The following SVOP variants were observed in gnomAD, a reference collection of about 807,000 sequenced individuals.
SVOP encodes the protein synaptic vesicle 2-related protein.
SVOP carries 17 observed loss-of-function variants against 69.1 expected under a neutral mutation model. The observed-to-expected ratio is 0.25, with a 90% CI of 0.17 to 0.37. The LOEUF (loss-of-function observed/expected upper bound fraction) is 0.37. SVOP is among the 10% of genes least tolerant of loss of function. The pLI is 1.00. For missense variants in SVOP, 435 were observed against 597.5 expected, an observed-to-expected ratio of 0.73 and a Z score of 2.84; for synonymous variants, 238 against 238.6, an observed-to-expected ratio of 1.00 and a Z score of 0.02.
intron 1 of SVOP, among the ~76,000 whole-genome samples, chr12:109,011,065 C>T (rs2040338707): frequency 1.3e-5 from 2 of 152,112 alleles, no homozygotes; most frequent in African/African-American, 4.8e-5. Flanking sequence ...CAGGCACATG[C>T]CACCATACCT....
intron 4 of SVOP, among the ~76,000 whole-genome samples, chr12:108,976,597 C>CCTCT (rs543526244): frequency 4.0e-4 from 59 of 146,372 alleles, no homozygotes; most frequent in African/African-American, 7.7e-4. Context: ...CCTGGCCATT[C>CCTCT]CTCTCTCTCT....
rs557628776 is a variant in SVOP at position 108,955,245 on chromosome 12, G to A, written c.578+5678C>T. ...CATCTCTCTGAGCATCCCTGGTAAG[G>A]GAATTTGATTTGCTCTTCTGTGAGT... On this transcript the variant is annotated intron_variant, in intron 6 of 15. Coordinates refer to ENST00000610966, the MANE Select transcript of SVOP (RefSeq NM_018711.5). Among the ~76,000 whole-genome samples, 5 of 152,272 alleles carry A rather than the reference G, an allele frequency of 3.3e-5. No individual in the cohort carries two copies. In the East Asian group the frequency reaches 9.6e-4, roughly 29 times the overall value.
At chr12:109,018,106 ATGAATG>A (rs2040378365) in intron 1 of SVOP, among the ~76,000 whole-genome samples, 1 of 53,458 alleles carries the variant, frequency 1.9e-5, no homozygotes, top group African/African-American at 3.0e-4. Flanking sequence ...GAATGGATGG[ATGAATG>A]AATGAATGAA....
At chr12:108,975,588 G>C (rs36165230) in intron 4 of SVOP, among the ~76,000 whole-genome samples, 5,612 of 152,264 alleles carry the variant, frequency 0.037, 643 homozygotes, top group Admixed American at 0.22. Flanking sequence ...GGTAATGTAT[G>C]CAAAACCATT....
Position 108,957,136 on chromosome 12 carries a change from G to A in SVOP, c.578+3787C>T, listed in dbSNP as rs1472761297. The stretch of plus-strand genomic sequence containing the variant: ...AGGTCCTGGCTCCCAGGGAGGGAAA[G>A]CTTCCACAGGAGACACAGCAAGAGT... On this transcript the variant is annotated intron_variant, in intron 6 of 15. Coordinates refer to ENST00000610966, the MANE Select transcript of SVOP (RefSeq NM_018711.5). 4.6e-5 allele frequency among the ~76,000 whole-genome samples: 7 copies of A among 152,230 alleles called. 1 individual carries two copies.
intron 5 of SVOP, among the ~76,000 whole-genome samples, chr12:108,961,300 C>G (rs568049522): frequency 6.6e-6 from 1 of 152,132 alleles, no homozygotes; most frequent in Non-Finnish European, 1.5e-5. Context: ...TTCCACAATA[C>G]AGGAGACAAA....
chr12:109,013,209 C>T (rs1293015062), intron 1 of SVOP, among the ~76,000 whole-genome samples: 1 of 152,114 alleles, frequency 6.6e-6, no homozygotes, highest in South Asian at 2.1e-4. Flanking sequence ...CCTTGTGAAA[C>T]TCTCATGAGG....
chr12:108,936,023 T>C (rs867563234), intron 10 of SVOP, among the ~76,000 whole-genome samples: 2 of 144,540 alleles, frequency 1.4e-5, no homozygotes, highest in African/African-American at 2.6e-5. Flanking sequence ...ATAGTATAAA[T>C]ACACACACAC....
intron 9 of SVOP, among the ~76,000 whole-genome samples, chr12:108,937,927 G>A (rs1163829493): frequency 2.0e-5 from 3 of 152,222 alleles, no homozygotes; most frequent in Admixed American, 6.5e-5. Flanking sequence ...GGCCGGGGCA[G>A]GTTGATCACT....
intron 6 of SVOP, among the ~76,000 whole-genome samples, chr12:108,957,352 CGG>C (rs2039991296): frequency 6.6e-6 from 1 of 152,050 alleles, no homozygotes; most frequent in African/African-American, 2.4e-5. Context: ...TTAGTAGAGA[CGG>C]GATTTCACTG....
rs2040084564 is a variant in SVOP, at chr12:108,972,411, C to T, written c.447G>A (p.Arg149=). The change falls in exon 5 of 16, where the codon AGG becomes AGA. Residue 149 remains arginine (R), a synonymous_variant. Transcript: ENST00000610966. ...LWGNISDQYG[R]KTGLKISVLW... is the part of the protein sequence containing the mutation. ...AAGAGTAAGTTTGCCTTACTGTTTT[C>T]CTGCCGTACTGGTCTGAGATATTTC... The T allele has an allele frequency of 6.5e-7, 1 of 1,537,054 alleles. No homozygotes were observed. The highest frequency in any genetic ancestry group is 1.4e-5 in the African/African-American group (1 of 73,022).
chr12:108,960,779 A>G, intron 6 of SVOP, 144 bp downstream of exon 6: 2 of 959,854 alleles, frequency 2.1e-6, no homozygotes, highest in Non-Finnish European at 3.0e-6. Flanking sequence ...TTGCTACACC[A>G]TAGCTCCTTG....
chr12:108,994,210 G>A lies in SVOP; in HGVS notation c.36-10449C>T, dbSNP rs113322944. ...TTACGATACTGATCTTGGCTGATACGGGGCAAGGCACAGTGCCTCAAGCCT... is the reference window on the plus strand; with the variant it reads ...TTACGATACTGATCTTGGCTGATACAGGGCAAGGCACAGTGCCTCAAGCCT... On this transcript the variant is annotated intron_variant, in intron 1 of 15. Coordinates refer to ENST00000610966, the MANE Select transcript of SVOP (RefSeq NM_018711.5). Among the ~76,000 whole-genome samples, 169 of 152,256 alleles carry A rather than the reference G, an allele frequency of 1.1e-3. 1 individual carries two copies. The highest frequency in any genetic ancestry group is 3.8e-3 in the African/African-American group (160 of 41,566).
At chr12:108,939,951 A>G (rs2039881414) in intron 8 of SVOP, among the ~76,000 whole-genome samples, 1 of 152,236 alleles carries the variant, frequency 6.6e-6, no homozygotes, top group Admixed American at 6.5e-5. Flanking sequence ...CCAGCTGGAC[A>G]AAAACTGGGC....
chr12:108,970,904 G>A (rs141916422), intron 5 of SVOP, among the ~76,000 whole-genome samples: 150 of 152,146 alleles, frequency 9.9e-4, no homozygotes, highest in African/African-American at 3.5e-3. Context: ...TCTTGTCCCA[G>A]CTACTTGGGA....
intron 5 of SVOP, among the ~76,000 whole-genome samples, chr12:108,971,522 T>C (rs1010670026): frequency 5.9e-5 from 9 of 152,194 alleles, no homozygotes; most frequent in African/African-American, 1.9e-4. Flanking sequence ...CCACCTGATT[T>C]CAAGGCCCTG....
At chr12:109,011,589 A>T (rs774294269) in intron 1 of SVOP, among the ~76,000 whole-genome samples, 1 of 152,150 alleles carries the variant, frequency 6.6e-6, no homozygotes, top group East Asian at 1.9e-4. Context: ...CTCAAACACA[A>T]ATACTTGCCT....
intron 4 of SVOP, among the ~76,000 whole-genome samples, chr12:108,972,987 A>G (rs572544136): frequency 2.0e-3 from 299 of 152,260 alleles, no homozygotes; most frequent in Non-Finnish European, 3.1e-3. Flanking sequence ...AGCTGGTGAG[A>G]TTTGAATGAT....
chr12:108,946,358 C>G (rs1355032593), intron 6 of SVOP, among the ~76,000 whole-genome samples: 1 of 152,128 alleles, frequency 6.6e-6, no homozygotes, highest in East Asian at 1.9e-4. Context: ...CCTTGACTTC[C>G]CAAAGCGCTA....
Sources: allele counts gnomAD v4.1 joint callset (sites outside exome capture counted in the v4.1 genomes callset), GRCh38; gene constraint gnomAD v4.1.1; transcripts MANE v1.5; gene names NCBI Gene and HGNC (gene_info 2026-07-23, HGNC 2026-07-21).